SCRG1: variants seen among roughly 807,000 people sequenced by gnomAD.
The protein encoded by SCRG1 is scrapie-responsive protein 1.
In SCRG1, 3 loss-of-function variants were observed where a neutral mutation model predicts 7.7. The ratio of observed to expected loss-of-function variants is 0.39; its 90% CI spans 0.18 to 1.01. The LOEUF is 1.01. Ranked by LOEUF, SCRG1 falls within the 50% of genes least tolerant of loss-of-function variation. The pLI, the probability that SCRG1 is intolerant of heterozygous loss-of-function variation, is 0.36. For missense variants in SCRG1, 110 were observed against 117.2 expected, an observed-to-expected ratio of 0.94 and a Z score of 0.28; for synonymous variants, 46 against 41.2, an observed-to-expected ratio of 1.12 and a Z score of -0.44.
At chr4:173,467,890 A>G in the SCRG1 span, 31 of 152,330 alleles carry the variant, frequency 2.0e-4, no homozygotes, top group Admixed American at 7.2e-4. Flanking sequence ...ATTTTCCCCA[A>G]GTGGAAATTG....
the SCRG1 span, among the ~76,000 whole-genome samples, chr4:173,426,566 G>A: frequency 2.0e-5 from 3 of 152,152 alleles, no homozygotes; most frequent in Admixed American, 6.6e-5. Flanking sequence ...AGGCTCAAGC[G>A]ATCCTCCCAT....
the SCRG1 span, among the ~76,000 whole-genome samples, chr4:173,514,802 A>T: frequency 6.6e-6 from 1 of 152,254 alleles, no homozygotes; most frequent in Admixed American, 6.5e-5. Context: ...CCTGTTGCAT[A>T]GTCCCAGCTA....
At chr4:173,459,707 A>C in the SCRG1 span, among the ~76,000 whole-genome samples, 1 of 152,216 alleles carries the variant, frequency 6.6e-6, no homozygotes, top group Admixed American at 6.5e-5. Flanking sequence ...AGAAAAGTTT[A>C]TCTCAGGGAG....
the SCRG1 span, among the ~76,000 whole-genome samples, chr4:173,518,224 G>T: frequency 3.3e-5 from 5 of 152,062 alleles, no homozygotes; most frequent in African/African-American, 9.7e-5. Flanking sequence ...AATCAGCTCC[G>T]AAACTGGGTG....
the SCRG1 span, among the ~76,000 whole-genome samples, chr4:173,413,981 G>A: frequency 6.6e-6 from 1 of 152,162 alleles, no homozygotes; most frequent in African/African-American, 2.4e-5. Context: ...CCTTGATAAT[G>A]GGCAGAATGT....
the SCRG1 span, among the ~76,000 whole-genome samples, chr4:173,429,640 G>T: frequency 6.6e-6 from 1 of 152,052 alleles, no homozygotes; most frequent in Non-Finnish European, 1.5e-5. Flanking sequence ...GCAGAAGGAG[G>T]AGCTGCTCTC....
At chr4:173,428,809 C>G in the SCRG1 span, among the ~76,000 whole-genome samples, 2 of 152,190 alleles carry the variant, frequency 1.3e-5, no homozygotes, top group African/African-American at 4.8e-5. Flanking sequence ...TAAGGGAGAT[C>G]TGTAAAATTT....
At chr4:173,485,157 AATATATTAT>A in the SCRG1 span, among the ~76,000 whole-genome samples, 5 of 22,242 alleles carry the variant, frequency 2.2e-4, no homozygotes, top group South Asian at 8.7e-4. Context: ...TGTAATATAT[AATATATTAT>A]ATATATTATA....
chr4:173,477,520 C>T, the SCRG1 span, among the ~76,000 whole-genome samples: 1 of 152,096 alleles, frequency 6.6e-6, no homozygotes, highest in African/African-American at 2.4e-5. Flanking sequence ...CAAGGCAGCA[C>T]AGCCCATACC....
the SCRG1 span, among the ~76,000 whole-genome samples, chr4:173,424,300 TA>T: frequency 6.6e-6 from 1 of 152,142 alleles, no homozygotes; most frequent in Non-Finnish European, 1.5e-5. Context: ...TCTAATTTCT[TA>T]AAAAAATAGA....
At chr4:173,485,214 TAGGA>T in the SCRG1 span, among the ~76,000 whole-genome samples, 4 of 33,910 alleles carry the variant, frequency 1.2e-4, no homozygotes, top group Admixed American at 4.5e-4. Flanking sequence ...ATATTATATA[TAGGA>T]TAAATTTTTT....
chr4:173,506,163 T>A, the SCRG1 span, among the ~76,000 whole-genome samples: 1 of 152,218 alleles, frequency 6.6e-6, no homozygotes, highest in African/African-American at 2.4e-5. This position sits in a 1 kb window ranked among gnomAD's most constrained non-coding sequence, Gnocchi z 5.3. Context: ...ATGGTAGGAC[T>A]CTGGACTCCT....
the SCRG1 span, among the ~76,000 whole-genome samples, chr4:173,484,758 A>ATTATATATTATATACATG: frequency 1.6e-4 from 15 of 92,948 alleles, no homozygotes; most frequent in East Asian, 6.2e-4. Context: ...TTATATACAT[A>ATTATATATTATATACATG]TAATACATAT....
chr4:173,505,410 TC>T, the SCRG1 span, among the ~76,000 whole-genome samples: 2 of 152,086 alleles, frequency 1.3e-5, no homozygotes, highest in African/African-American at 2.4e-5. The surrounding 1 kb of genome is among the most constrained non-coding windows in gnomAD (Gnocchi z 4.4). Flanking sequence ...AGTACAAGAT[TC>T]TTGTACTGAT....
In SCRG1 at chr4:173,397,354, T is replaced by G. The variant is rs1001511712; in HGVS notation, c.-15+1714A>C. On this transcript the variant is annotated intron_variant, in intron 1 of 2. Transcript: ENST00000296506. ...TTTTTTCTTTTTCAGTTGAGGTACA[T>G]GTACTTAAAATCCCTCCTGGAATAC... 3.9e-5 allele frequency among the ~76,000 whole-genome samples: 6 copies of G among 152,240 alleles called. No homozygotes were observed. The East Asian group carries it at 9.6e-4, about 24-fold the overall frequency.
At chr4:173,488,357 A>G in the SCRG1 span, among the ~76,000 whole-genome samples, 2 of 152,132 alleles carry the variant, frequency 1.3e-5, no homozygotes, top group Non-Finnish European at 2.9e-5. Context: ...TGATTATTTA[A>G]CTTGGTAGGT....
intron 2 of SCRG1, among the ~76,000 whole-genome samples, chr4:173,389,225 G>T (rs1003206948): frequency 6.6e-6 from 1 of 152,158 alleles, no homozygotes; most frequent in Non-Finnish European, 1.5e-5. Context: ...CACCTGGCAG[G>T]TTTGTTAAAA....
chr4:173,459,807 G>T, the SCRG1 span, among the ~76,000 whole-genome samples: 1 of 152,118 alleles, frequency 6.6e-6, no homozygotes, highest in African/African-American at 2.4e-5. Flanking sequence ...GTACAGTTAG[G>T]TGGAAGAAAT....
intron 1 of SCRG1, among the ~76,000 whole-genome samples, chr4:173,404,984 C>T (rs1028667402): frequency 2.0e-5 from 3 of 152,168 alleles, no homozygotes; most frequent in Non-Finnish European, 4.4e-5. Context: ...TTAACTCTTA[C>T]ATTAGTGTGG....
Sources: allele counts gnomAD v4.1 joint callset (sites outside exome capture counted in the v4.1 genomes callset), GRCh38; gene constraint gnomAD v4.1.1; non-coding constraint Gnocchi (gnomAD v3.1); transcripts MANE v1.5; gene names NCBI Gene and HGNC (gene_info 2026-07-23, HGNC 2026-07-21).